LRRC4C: variants seen among roughly 807,000 people sequenced by gnomAD.
LRRC4C encodes the protein leucine-rich repeat-containing protein 4C.
LRRC4C carries 5 observed loss-of-function variants against 33.6 expected under a neutral mutation model. The observed-to-expected ratio is 0.15, with a 90% CI of 0.08 to 0.31. The LOEUF (loss-of-function observed/expected upper bound fraction) is 0.31, where lower values mean the gene tolerates loss of function less well. LRRC4C is among the 10% of genes least tolerant of loss of function. The probability of loss-of-function intolerance (pLI) is 1.00; values close to 1 mark genes in which losing one functional copy is unlikely to be tolerated. For synonymous variants in LRRC4C, 329 were observed against 302.0 expected, an observed-to-expected ratio of 1.09 and a Z score of -0.93; for missense variants, 560 against 796.7, an observed-to-expected ratio of 0.70 and a Z score of 3.58.
chr11:40,393,448 T>G (rs1238610929), intron 3 of LRRC4C, among the ~76,000 whole-genome samples: 1 of 152,178 alleles, frequency 6.6e-6, no homozygotes, highest in Non-Finnish European at 1.5e-5. Flanking sequence ...TGTACTTTGT[T>G]TTGATTCCAC....
intron 3 of LRRC4C, among the ~76,000 whole-genome samples, chr11:40,337,418 G>T (rs1219373712): frequency 6.6e-6 from 1 of 152,180 alleles, no homozygotes; most frequent in Non-Finnish European, 1.5e-5. Context: ...TATCATTTAT[G>T]AAGCTATTAC....
At chr11:41,437,413 G>GCT (rs1372630511) in intron 1 of LRRC4C, among the ~76,000 whole-genome samples, 1 of 139,202 alleles carries the variant, frequency 7.2e-6, no homozygotes, top group African/African-American at 2.6e-5. Flanking sequence ...ACACACAAAC[G>GCT]CGCGCGCGCG....
rs374513280 is a variant in LRRC4C, at chr11:40,849,860, C to G, written c.-407+83775G>C. On this transcript the variant is annotated intron_variant, in intron 2 of 6. Coordinates refer to ENST00000528697, the MANE Select transcript of LRRC4C (RefSeq NM_001258419.2). ...CATTTTTTCTCTAATCTTTTCTTCA[C>G]ACTTTATTTCAATAAGTTGATTTTC... Among the ~76,000 whole-genome samples, 3 of 151,586 alleles carry G rather than the reference C, an allele frequency of 2.0e-5. No individual in the cohort carries two copies. In the East Asian group the frequency reaches 5.9e-4, roughly 30 times the overall value.
intron 1 of LRRC4C, among the ~76,000 whole-genome samples, chr11:41,442,420 T>C (rs982490264): frequency 6.6e-6 from 1 of 151,286 alleles, no homozygotes; most frequent in Non-Finnish European, 1.5e-5. Flanking sequence ...AAAATGATTT[T>C]AATTCAAGAC....
chr11:40,918,998 A>G (rs1022678795), intron 2 of LRRC4C, among the ~76,000 whole-genome samples: 1 of 152,164 alleles, frequency 6.6e-6, no homozygotes, highest in African/African-American at 2.4e-5. Context: ...ACTACAAACC[A>G]TGTCCTAAAT....
intron 3 of LRRC4C, among the ~76,000 whole-genome samples, chr11:40,402,370 A>G (rs1949793125): frequency 6.6e-6 from 1 of 152,102 alleles, no homozygotes; most frequent in Non-Finnish European, 1.5e-5. Context: ...TTCAACCCTT[A>G]TAAAATCCCT....
chr11:40,467,706 C>T (rs895104465), intron 3 of LRRC4C, among the ~76,000 whole-genome samples: 1 of 152,056 alleles, frequency 6.6e-6, no homozygotes, highest in African/African-American at 2.4e-5. Context: ...AAGACATTTG[C>T]TATTTTCAAA....
At chr11:40,143,758 A>G (rs1361958955) in intron 5 of LRRC4C, among the ~76,000 whole-genome samples, 1 of 152,166 alleles carries the variant, frequency 6.6e-6, no homozygotes, top group Admixed American at 6.5e-5. Context: ...CGCTTGATAA[A>G]ACATCTCAAA....
At chr11:41,359,815 G>C (rs751340651) in intron 1 of LRRC4C, among the ~76,000 whole-genome samples, 1 of 152,058 alleles carries the variant, frequency 6.6e-6, no homozygotes, top group African/African-American at 2.4e-5. Flanking sequence ...CATAGCCTGC[G>C]TGCTTAACCA....
chr11:40,128,963 C>T (rs150621814), intron 6 of LRRC4C, among the ~76,000 whole-genome samples: 44 of 152,228 alleles, frequency 2.9e-4, no homozygotes, highest in Middle Eastern at 3.4e-3. Context: ...TTTTCTCATA[C>T]GCTCAGGTGC....
chr11:41,266,022 A>T (rs1949140581), intron 1 of LRRC4C, among the ~76,000 whole-genome samples: 1 of 152,118 alleles, frequency 6.6e-6, no homozygotes, highest in Non-Finnish European at 1.5e-5. Context: ...GCTGGGAGAT[A>T]AAGAAAATGA....
intron 1 of LRRC4C, among the ~76,000 whole-genome samples, chr11:40,986,424 C>G (rs535119694): frequency 4.5e-4 from 68 of 152,072 alleles, no homozygotes; most frequent in African/African-American, 1.6e-3. Flanking sequence ...ATAGCGAGAC[C>G]GCATCTCCAC....
intron 3 of LRRC4C, among the ~76,000 whole-genome samples, chr11:40,507,311 A>C (rs1331406645): frequency 6.6e-6 from 1 of 152,180 alleles, no homozygotes; most frequent in Non-Finnish European, 1.5e-5. Context: ...CTAAAAATTC[A>C]ATAGAATAAT....
chr11:40,508,985 A>T (rs896995134), intron 3 of LRRC4C, among the ~76,000 whole-genome samples: 9 of 152,170 alleles, frequency 5.9e-5, no homozygotes, highest in Admixed American at 5.9e-4. Flanking sequence ...GAGGAGTAAA[A>T]TTGTTTGTCT....
intron 1 of LRRC4C, among the ~76,000 whole-genome samples, chr11:41,239,987 C>T (rs1280459933): frequency 2.0e-5 from 3 of 152,116 alleles, no homozygotes; most frequent in Non-Finnish European, 2.9e-5. Context: ...CCCATTCTGG[C>T]TATTAAAAAT....
At chr11:40,896,435 A>G (rs936775967) in intron 2 of LRRC4C, among the ~76,000 whole-genome samples, 1 of 152,210 alleles carries the variant, frequency 6.6e-6, no homozygotes, top group African/African-American at 2.4e-5. Context: ...TGTAATTAGC[A>G]TGAGTGTACT....
intron 2 of LRRC4C, among the ~76,000 whole-genome samples, chr11:40,702,856 C>T (rs948023751): frequency 6.6e-6 from 1 of 152,034 alleles, no homozygotes; most frequent in African/African-American, 2.4e-5. Context: ...ATCTTTGGAC[C>T]CCACTCCTTC....
At chr11:40,789,369 G>A (rs370783151) in intron 2 of LRRC4C, among the ~76,000 whole-genome samples, 11 of 152,064 alleles carry the variant, frequency 7.2e-5, no homozygotes, top group African/African-American at 2.7e-4. Flanking sequence ...GTACATAGTC[G>A]ATTGCACATC....
At chr11:40,591,346 G>A (rs1480582230) in intron 3 of LRRC4C, among the ~76,000 whole-genome samples, 2 of 152,126 alleles carry the variant, frequency 1.3e-5, no homozygotes, top group African/African-American at 2.4e-5. Flanking sequence ...CTGGTGCACG[G>A]TGCACGGACC....
Sources: gnomAD v4.1 joint callset for allele counts (sites outside exome capture counted in the v4.1 genomes callset) on GRCh38, gnomAD v4.1.1 for gene constraint, MANE v1.5 for transcripts, NCBI Gene and HGNC (gene_info 2026-07-23, HGNC 2026-07-21) for gene names.